Variants in TPRG1 observed in about 807,000 individuals in gnomAD.
TPRG1 encodes the protein tumor protein p63 regulated 1, also known as tumor protein p63-regulated gene 1 protein.
A neutral mutation model predicts 29.3 loss-of-function variants in TPRG1; 29 were observed. That is an observed-to-expected ratio of 0.99 (90% CI 0.74 to 1.35). The LOEUF (loss-of-function observed/expected upper bound fraction) is 1.35. Ranked by LOEUF, TPRG1 falls within the 40% of genes most tolerant of loss-of-function variation. The pLI, the probability that TPRG1 is intolerant of heterozygous loss-of-function variation, is 0.00. For missense variants in TPRG1, 327 were observed against 335.0 expected (o/e 0.98, Z 0.19); for synonymous variants, 130 against 116.8 (o/e 1.11, Z -0.73).
intron 3 of TPRG1, among the ~76,000 whole-genome samples, chr3:189,007,839 T>C (rs1434699659): frequency 3.0e-5 from 4 of 135,406 alleles, no homozygotes; most frequent in South Asian, 2.4e-4. Flanking sequence ...TAGGTGGGAA[T>C]TGAACAATGA....
chr3:189,140,062 A>G (rs1724334506), intron 3 of TPRG1, among the ~76,000 whole-genome samples: 1 of 152,212 alleles, frequency 6.6e-6, no homozygotes, highest in Non-Finnish European at 1.5e-5. Context: ...ACACACAGAG[A>G]CACACAATAA....
intron 1 of TPRG1, among the ~76,000 whole-genome samples, chr3:188,999,017 C>T (rs1486440802): frequency 2.0e-5 from 3 of 152,138 alleles, no homozygotes; most frequent in Non-Finnish European, 4.4e-5. Context: ...TGATGAGTAT[C>T]CTAATTACCC....
At chr3:189,247,964 GAT>G (rs1491233541) in intron 4 of TPRG1, among the ~76,000 whole-genome samples, 1 of 149,008 alleles carries the variant, frequency 6.7e-6, no homozygotes, top group Non-Finnish European at 1.5e-5. Flanking sequence ...TTGACATATA[GAT>G]TTTTTTTTTA....
chr3:189,266,374 G>C (rs909428777), intron 4 of TPRG1, among the ~76,000 whole-genome samples: 3 of 152,206 alleles, frequency 2.0e-5, no homozygotes, highest in African/African-American at 4.8e-5. Context: ...TAGTGAGTCA[G>C]AGTGGGGCAG....
intron 1 of TPRG1, among the ~76,000 whole-genome samples, chr3:189,119,726 T>A (rs1003700080): frequency 2.0e-5 from 3 of 152,222 alleles, no homozygotes; most frequent in Admixed American, 2.0e-4. Flanking sequence ...AAGAAGGACA[T>A]GTTTGCTTCC....
intron 2 of TPRG1, among the ~76,000 whole-genome samples, chr3:189,001,642 TGA>T (rs1712025687): frequency 6.6e-6 from 1 of 152,182 alleles, no homozygotes; most frequent in Non-Finnish European, 1.5e-5. Flanking sequence ...ATATAGATTT[TGA>T]GGGACACAAA....
Position 189,046,102 on chromosome 3 carries a change from G to A in TPRG1, c.-463+22156G>A, listed in dbSNP as rs911413864. Reference sequence around the variant, plus strand: ...AGCTCAGCAGACTTCTAAGGTTTTAGTTATGAGACAGGATATTGGGACCAG... The same window carrying A: ...AGCTCAGCAGACTTCTAAGGTTTTAATTATGAGACAGGATATTGGGACCAG... On this transcript the variant is annotated intron_variant, in intron 4 of 10. Coordinates refer to the TPRG1 transcript ENST00000433971. Among the ~76,000 whole-genome samples, 78 of 152,192 alleles carry A rather than the reference G, an allele frequency of 5.1e-4. 2 individuals carry two copies. The highest frequency in any genetic ancestry group is 1.9e-3 in the African/African-American group (78 of 41,458).
chr3:189,272,709 CTTTCTCCTTCCT>C (rs1229574916), intron 4 of TPRG1, among the ~76,000 whole-genome samples: 14 of 127,000 alleles, frequency 1.1e-4, no homozygotes, highest in African/African-American at 3.2e-4. Context: ...TTCTTTCTTT[CTTTCTCCTTCCT>C]TCCTTCCTTC....
upstream of TPRG1, among the ~76,000 whole-genome samples, chr3:189,095,519 A>T (rs1718618279): frequency 6.6e-6 from 1 of 152,194 alleles, no homozygotes; most frequent in Admixed American, 6.5e-5. Flanking sequence ...GTATTGTTTC[A>T]TCAGTCTCCG....
At chr3:189,081,735 A>G (rs1156482040) in intron 4 of TPRG1, among the ~76,000 whole-genome samples, 1 of 152,166 alleles carries the variant, frequency 6.6e-6, no homozygotes, top group Admixed American at 6.5e-5. Context: ...TACACTTACT[A>G]TATCTTCTCT....
chr3:189,138,224 G>A (rs1724028675), intron 3 of TPRG1, among the ~76,000 whole-genome samples: 1 of 152,106 alleles, frequency 6.6e-6, no homozygotes, highest in Non-Finnish European at 1.5e-5. Context: ...GAAGAGACAA[G>A]GGAAAAAATG....
chr3:189,227,115 C>CT (rs1046160806), intron 3 of TPRG1, among the ~76,000 whole-genome samples: 9 of 151,324 alleles, frequency 5.9e-5, no homozygotes, highest in Non-Finnish European at 1.3e-4. Context: ...GAGTTGGATA[C>CT]TAGCCTAGGC....
chr3:189,046,912 C>CCAAAA (rs1406039202), intron 4 of TPRG1, among the ~76,000 whole-genome samples: 16 of 152,066 alleles, frequency 1.1e-4, no homozygotes, highest in South Asian at 6.2e-4. Context: ...ACAACCACCA[C>CCAAAA]CAAAACAAAA....
intron 4 of TPRG1, among the ~76,000 whole-genome samples, chr3:189,287,537 A>G (rs573087811): frequency 6.6e-6 from 1 of 151,882 alleles, no homozygotes; most frequent in South Asian, 2.1e-4. Flanking sequence ...AGCTGGGACT[A>G]CAGGCGCCCA....
chr3:189,130,707 T>G lies in TPRG1; in HGVS notation c.-589-1692T>G, dbSNP rs143745831. Among the ~76,000 whole-genome samples the G allele has an allele frequency of 2.5e-4, 38 of 152,290 alleles. No homozygotes were observed. In the East Asian group the frequency reaches 7.0e-3, roughly 28 times the overall value. ...AGAATATGAACTGCTTAGGACACAC[T>G]CATAATGTGATGTGAAGAGTACCAA... On this transcript the variant is annotated intron_variant, in intron 2 of 6. Transcript: ENST00000412373.
intron 4 of TPRG1, among the ~76,000 whole-genome samples, chr3:189,248,902 T>C (rs1741746567): frequency 6.6e-6 from 1 of 151,374 alleles, no homozygotes; most frequent in African/African-American, 2.4e-5. Flanking sequence ...CTTTCTACTT[T>C]CTCTCTCCTT....
At chr3:189,159,062 A>C (rs1727095223) in intron 5 of TPRG1, among the ~76,000 whole-genome samples, 1 of 152,096 alleles carries the variant, frequency 6.6e-6, no homozygotes. Flanking sequence ...AGTAGCAGGC[A>C]GTTGTTCCTA....
chr3:189,223,015 A>G (rs1232150329), intron 3 of TPRG1, among the ~76,000 whole-genome samples: 1 of 152,192 alleles, frequency 6.6e-6, no homozygotes, highest in East Asian at 1.9e-4. Flanking sequence ...TTGTGCTCAC[A>G]TTATACGATA....
chr3:189,310,235 C>T (rs931763766), intron 4 of TPRG1, 151 bp from the exon 5 acceptor site: 2 of 548,142 alleles, frequency 3.6e-6, no homozygotes, highest in Non-Finnish European at 5.9e-6. Context: ...TTTTTAAAAC[C>T]TAATTCACCT....
Sources: allele counts gnomAD v4.1 joint callset (sites outside exome capture counted in the v4.1 genomes callset), GRCh38; gene constraint gnomAD v4.1.1; transcripts MANE v1.5; gene names NCBI Gene and HGNC (gene_info 2026-07-23, HGNC 2026-07-21).